The following ANKRD11 variants were observed in gnomAD, a reference collection of about 807,000 sequenced individuals.
ANKRD11 encodes the protein ankyrin repeat domain 11.
Under a neutral mutation model 195.7 loss-of-function variants are expected in ANKRD11, and 17 were observed. That is an observed-to-expected ratio of 0.09 (90% confidence interval 0.06 to 0.13). ANKRD11 has a LOEUF of 0.13. ANKRD11 is among the 10% of genes least tolerant of loss of function. ANKRD11 has a pLI of 1.00. For synonymous variants in ANKRD11, 1,953 were observed against 1,528.1 expected, an observed-to-expected ratio of 1.28 and a Z score of -6.49; for missense variants, 3,735 against 3,566.1, an observed-to-expected ratio of 1.05 and a Z score of -1.21.
At chr16:89,276,997 A>T (rs1335399105) in intron 9 of ANKRD11, among the ~76,000 whole-genome samples, 1 of 151,254 alleles carries the variant, frequency 6.6e-6, no homozygotes, top group Non-Finnish European at 1.5e-5. Context: ...TGGAGCTTGC[A>T]GTGAGCCGAC....
chr16:89,444,308 A>G (rs1567814907), intron 1 of ANKRD11, among the ~76,000 whole-genome samples: 4 of 152,200 alleles, frequency 2.6e-5, no homozygotes, highest in Admixed American at 6.5e-5. Context: ...CACTCTAGCA[A>G]TGCTTCCTCC....
chr16:89,339,099 T>G (rs1031348707), intron 2 of ANKRD11, among the ~76,000 whole-genome samples: 1 of 152,146 alleles, frequency 6.6e-6, no homozygotes, highest in Admixed American at 6.5e-5. Flanking sequence ...TGGGTGAGCG[T>G]TGCACCCCCA....
chr16:89,357,107 T>C (rs1020540815), intron 2 of ANKRD11, among the ~76,000 whole-genome samples: 1 of 152,124 alleles, frequency 6.6e-6, no homozygotes, highest in African/African-American at 2.4e-5. Flanking sequence ...GATGAGTCTG[T>C]AGGAGGGACA....
intron 4 of ANKRD11, among the ~76,000 whole-genome samples, chr16:89,296,782 G>C (rs1170824088): frequency 6.6e-6 from 1 of 152,250 alleles, no homozygotes; most frequent in African/African-American, 2.4e-5. Flanking sequence ...TCTCCAGGGA[G>C]GGTTTGCTTT....
At chr16:89,413,157 G>A (rs2152214122) in intron 2 of ANKRD11, among the ~76,000 whole-genome samples, 1 of 152,252 alleles carries the variant, frequency 6.6e-6, no homozygotes, top group Non-Finnish European at 1.5e-5. Context: ...TCTTCTATAA[G>A]TTACTGCAGT....
At chr16:89,435,076 T>C (rs867193903) in intron 1 of ANKRD11, among the ~76,000 whole-genome samples, 5 of 152,310 alleles carry the variant, frequency 3.3e-5, no homozygotes, top group East Asian at 1.9e-4. Context: ...AAAACTCTTC[T>C]GTCTAGCTAA....
At chr16:89,332,078 A>G (rs1019623151) in intron 2 of ANKRD11, among the ~76,000 whole-genome samples, 8 of 152,174 alleles carry the variant, frequency 5.3e-5, no homozygotes, top group Admixed American at 4.6e-4. Context: ...ATTCGATCCC[A>G]GGAGTTTGAG....
At chr16:89,303,955 A>G (rs1369887143) in intron 4 of ANKRD11, among the ~76,000 whole-genome samples, 1 of 152,204 alleles carries the variant, frequency 6.6e-6, no homozygotes, top group African/African-American at 2.4e-5. Context: ...CTATGGCTGC[A>G]TTCAAGAAGT....
At chr16:89,414,891 A>C (rs1451947928) in intron 2 of ANKRD11, among the ~76,000 whole-genome samples, 1 of 152,246 alleles carries the variant, frequency 6.6e-6, no homozygotes, top group African/African-American at 2.4e-5. Flanking sequence ...ATCAAAGTGA[A>C]ACACGGGAAT....
At chr16:89,479,195 G>T (rs1164207108) in intron 1 of ANKRD11, among the ~76,000 whole-genome samples, 1 of 151,952 alleles carries the variant, frequency 6.6e-6, no homozygotes, top group Admixed American at 6.6e-5. Flanking sequence ...CTGACGTCAA[G>T]AGAGTGCAAC....
chr16:89,384,278 C>T (rs1245044269), intron 2 of ANKRD11, among the ~76,000 whole-genome samples: 1 of 152,156 alleles, frequency 6.6e-6, no homozygotes. Context: ...CGCCTGTAAT[C>T]CCAGCACTTT....
At chr16:89,290,252 T>TCAGGGCTCCAGCGGGGG (rs2034948353) in intron 6 of ANKRD11, among the ~76,000 whole-genome samples, 1 of 8,266 alleles carries the variant, frequency 1.2e-4, no homozygotes, top group Non-Finnish European at 3.5e-4. Context: ...CAGCGGGGGG[T>TCAGGGCTCCAGCGGGGG]AGGCTCAGGG....
intron 2 of ANKRD11, chr16:89,343,642 G>C (rs2038800053): frequency 6.6e-6 from 1 of 152,228 alleles, no homozygotes; most frequent in Non-Finnish European, 1.5e-5. Flanking sequence ...GGCAGCAACT[G>C]GCCGGAACTT....
intron 1 of ANKRD11, among the ~76,000 whole-genome samples, chr16:89,437,430 CCTA>C (rs1389559232): frequency 9.9e-5 from 15 of 152,132 alleles, no homozygotes; most frequent in Non-Finnish European, 2.2e-4. Flanking sequence ...CCTCCACACC[CCTA>C]CTTCCTCTCT....
intron 2 of ANKRD11, among the ~76,000 whole-genome samples, chr16:89,341,850 GCACCTCCACCCACA>G (rs2038678472): frequency 6.7e-6 from 1 of 150,022 alleles, no homozygotes; most frequent in Non-Finnish European, 1.5e-5. Flanking sequence ...CGGGAGTGCT[GCACCTCCACCCACA>G]GCGGCCACGG....
chr16:89,457,832 G>A (rs184693016), intron 1 of ANKRD11, among the ~76,000 whole-genome samples: 4 of 152,068 alleles, frequency 2.6e-5, no homozygotes, highest in African/African-American at 9.7e-5. Flanking sequence ...AAAGTATACA[G>A]GTATAAACAT....
At chr16:89,463,498 T>C (rs1313638319) in intron 1 of ANKRD11, among the ~76,000 whole-genome samples, 1 of 151,946 alleles carries the variant, frequency 6.6e-6, no homozygotes, top group Non-Finnish European at 1.5e-5. Flanking sequence ...TCATCACCAC[T>C]CCCTAATCTC....
At chr16:89,468,661 C>T (rs960467589) in intron 1 of ANKRD11, among the ~76,000 whole-genome samples, 1 of 152,158 alleles carries the variant, frequency 6.6e-6, no homozygotes, top group Non-Finnish European at 1.5e-5. Flanking sequence ...GAGCCGAGAT[C>T]GCGCCACTGC....
At chr16:89,353,563 C>T (rs925737442) in intron 2 of ANKRD11, among the ~76,000 whole-genome samples, 2 of 151,956 alleles carry the variant, frequency 1.3e-5, no homozygotes, top group East Asian at 2.0e-4. Flanking sequence ...CTGCAACCTC[C>T]GCCTTCCGGG....
Sources: gnomAD v4.1 joint callset for allele counts (sites outside exome capture counted in the v4.1 genomes callset) on GRCh38, gnomAD v4.1.1 for gene constraint, MANE v1.5 for transcripts, NCBI Gene and HGNC (gene_info 2026-07-23, HGNC 2026-07-21) for gene names.